TOX2: variants seen among roughly 807,000 people sequenced by gnomAD.
TOX2 encodes granulosa cell HMG box 1.
A neutral mutation model predicts 47.4 loss-of-function variants in TOX2; 15 were observed. The observed-to-expected ratio is 0.32, with a 90% CI of 0.21 to 0.49. The LOEUF (loss-of-function observed/expected upper bound fraction) is 0.49, where lower values mean the gene tolerates loss of function less well. Ranked by LOEUF, TOX2 falls within the 20% of genes least tolerant of loss-of-function variation. The probability of loss-of-function intolerance (pLI) is 0.99; values close to 1 mark genes in which losing one functional copy is unlikely to be tolerated. For missense variants in TOX2, 622 were observed against 673.1 expected, an observed-to-expected ratio of 0.92 and a Z score of 0.84; for synonymous variants, 290 against 296.6, an observed-to-expected ratio of 0.98 and a Z score of 0.23.
chr20:44,033,613 C>T (rs1299540157), intron 3 of TOX2, among the ~76,000 whole-genome samples: 2 of 151,098 alleles, frequency 1.3e-5, no homozygotes, highest in Admixed American at 6.6e-5. Context: ...GATGAAACCA[C>T]AGAAGCAGAG....
At chr20:44,009,296 TTTTG>T (rs2070741687) in intron 3 of TOX2, among the ~76,000 whole-genome samples, 1 of 152,218 alleles carries the variant, frequency 6.6e-6, no homozygotes, top group Non-Finnish European at 1.5e-5. Flanking sequence ...CGTCACATTT[TTTTG>T]TTTGTTTTTG....
intron 3 of TOX2, among the ~76,000 whole-genome samples, chr20:44,017,007 G>T (rs2070891199): frequency 6.6e-6 from 1 of 152,244 alleles, no homozygotes; most frequent in Non-Finnish European, 1.5e-5. Context: ...GGCAATATGT[G>T]GTTGTGCATT....
intron 5 of TOX2, among the ~76,000 whole-genome samples, chr20:44,058,756 C>T (rs1425487218): frequency 1.3e-5 from 2 of 152,196 alleles, no homozygotes; most frequent in East Asian, 1.9e-4. Flanking sequence ...TAGCCCAGAG[C>T]CCGGTAGCTC....
chr20:44,018,095 G>A (rs1157385906), intron 3 of TOX2, among the ~76,000 whole-genome samples: 2 of 152,192 alleles, frequency 1.3e-5, no homozygotes, highest in Non-Finnish European at 2.9e-5. Flanking sequence ...TTCCTGGAGG[G>A]GGTAGCCTTG....
At chr20:43,982,228 C>T (rs935478504) in intron 2 of TOX2, among the ~76,000 whole-genome samples, 8 of 151,756 alleles carry the variant, frequency 5.3e-5, no homozygotes, top group Non-Finnish European at 1.2e-4. Flanking sequence ...AGTTGGTGGG[C>T]CAAGAGCCAG....
chr20:43,952,075 A>T (rs6073263), intron 1 of TOX2, among the ~76,000 whole-genome samples: 113,413 of 150,020 alleles, frequency 0.76, 43,025 homozygotes, highest in Admixed American at 0.8. Flanking sequence ...TTTTTTTTTA[A>T]AATTTTTAGT....
chr20:43,952,353 A>G (rs2069593840), intron 1 of TOX2, among the ~76,000 whole-genome samples: 1 of 152,092 alleles, frequency 6.6e-6, no homozygotes, highest in Non-Finnish European at 1.5e-5. Context: ...TTAACTGAGC[A>G]TGTTAGGGTT....
chr20:44,014,704 G>A (rs535554151), intron 3 of TOX2, among the ~76,000 whole-genome samples: 3 of 152,154 alleles, frequency 2.0e-5, no homozygotes, highest in East Asian at 3.8e-4. Context: ...GAAGTGTCAC[G>A]CATAGGCAAT....
chr20:43,919,012 C>T (rs145112766), intron 1 of TOX2, among the ~76,000 whole-genome samples: 177 of 152,262 alleles, frequency 1.2e-3, no homozygotes, highest in Non-Finnish European at 2.2e-3. Flanking sequence ...TTAGCATCTC[C>T]GTTCCAGCAT....
chr20:44,065,655 C>A (rs1383965995), intron 6 of TOX2, 57 bp from the exon 7 acceptor site: 8 of 1,526,686 alleles, frequency 5.2e-6, no homozygotes, highest in Admixed American at 2.0e-5. Flanking sequence ...CCTCACAGCC[C>A]ATGTTCTGGC....
intron 1 of TOX2, among the ~76,000 whole-genome samples, chr20:43,954,114 G>A (rs2069627011): frequency 6.6e-6 from 1 of 152,144 alleles, no homozygotes; most frequent in South Asian, 2.1e-4. Context: ...GCCTTATGGT[G>A]GCCCTAGGAC....
intron 1 of TOX2, among the ~76,000 whole-genome samples, chr20:43,927,694 C>CCTTCCCTTCCCTTCCCCTT (rs1555829443): frequency 6.4e-5 from 6 of 94,206 alleles, no homozygotes; most frequent in African/African-American, 3.8e-4. Context: ...CCTTCCCTTC[C>CCTTCCCTTCCCTTCCCCTT]CCTTCCTTCC....
intron 3 of TOX2, among the ~76,000 whole-genome samples, chr20:44,040,953 G>A (rs990241074): frequency 1.3e-5 from 2 of 152,210 alleles, no homozygotes; most frequent in African/African-American, 4.8e-5. Flanking sequence ...ACAGACAGGG[G>A]AGACAGGAGC....
chr20:44,038,213 T>G (rs1569122113), intron 3 of TOX2, among the ~76,000 whole-genome samples: 1 of 151,774 alleles, frequency 6.6e-6, no homozygotes, highest in Non-Finnish European at 1.5e-5. Context: ...CTGGGCAACA[T>G]AGAGAGACCC....
At chr20:43,993,838 A>G (rs2070414347) in intron 2 of TOX2, among the ~76,000 whole-genome samples, 1 of 152,208 alleles carries the variant, frequency 6.6e-6, no homozygotes, top group Admixed American at 6.5e-5. Context: ...TCAAAGAGGC[A>G]GTTGGATATG....
intron 2 of TOX2, among the ~76,000 whole-genome samples, chr20:43,996,913 T>C (rs990229949): frequency 6.6e-6 from 1 of 152,130 alleles, no homozygotes; most frequent in Non-Finnish European, 1.5e-5. Flanking sequence ...TTCCATGTAT[T>C]TCAAATATTC....
chr20:43,917,297 C>A (rs554321919), intron 1 of TOX2, among the ~76,000 whole-genome samples: 2 of 152,108 alleles, frequency 1.3e-5, no homozygotes, highest in Non-Finnish European at 2.9e-5. Flanking sequence ...CAGGAACTCC[C>A]CTTTTCTGGC....
intron 1 of TOX2, among the ~76,000 whole-genome samples, chr20:43,922,788 T>G (rs773449338): frequency 1.3e-5 from 2 of 152,172 alleles, no homozygotes; most frequent in Non-Finnish European, 2.9e-5. Flanking sequence ...TTTTCAATAT[T>G]TAATGGCCTG....
Position 44,036,225 on chromosome 20 carries a change from G to A in TOX2, c.412-15081G>A, listed in dbSNP as rs548020443. On this transcript the variant is annotated intron_variant, in intron 3 of 8. Coordinates refer to ENST00000341197, the MANE Select transcript of TOX2 (RefSeq NM_001098797.2). ...ACTGATTTTAGAGAGAGGCTACAAC[G>A]CAAGGTTAGAGCAAGAGCTCAGCTT... Among the ~76,000 whole-genome samples, 36 of 152,324 alleles carry A rather than the reference G, an allele frequency of 2.4e-4. No individual in the cohort carries two copies. The East Asian group carries it at 4.8e-3, about 20-fold the overall frequency.
Sources: gnomAD v4.1 joint callset for allele counts (sites outside exome capture counted in the v4.1 genomes callset) on GRCh38, gnomAD v4.1.1 for gene constraint, MANE v1.5 for transcripts, NCBI Gene and HGNC (gene_info 2026-07-23, HGNC 2026-07-21) for gene names.